EXOC4: variants seen among roughly 807,000 people sequenced by gnomAD.
The protein encoded by EXOC4 is exocyst complex component 4, also known as SEC8-like 1.
A neutral mutation model predicts 107.2 loss-of-function variants in EXOC4; 71 were observed. The observed-to-expected ratio is 0.66, with a 90% CI of 0.55 to 0.81. The LOEUF (loss-of-function observed/expected upper bound fraction) is 0.81. Among genes scored for constraint, EXOC4 ranks in the 30% least tolerant of loss-of-function variants. EXOC4 has a pLI of 0.00. For missense variants in EXOC4, 1,108 were observed against 1,189.6 expected, an observed-to-expected ratio of 0.93 and a Z score of 1.01; for synonymous variants, 456 against 441.2, an observed-to-expected ratio of 1.03 and a Z score of -0.42.
chr7:133,898,736 A>C (rs1799379509), intron 12 of EXOC4, among the ~76,000 whole-genome samples: 1 of 125,008 alleles, frequency 8.0e-6, no homozygotes, highest in Non-Finnish European at 1.6e-5. Flanking sequence ...ACAGAGCAAG[A>C]CTCTGTCTCA....
intron 11 of EXOC4, among the ~76,000 whole-genome samples, chr7:133,820,154 ATTTTT>A (rs35640945): frequency 7.1e-5 from 5 of 70,302 alleles, no homozygotes; most frequent in African/African-American, 2.7e-4. Context: ...CACCTGCTTC[ATTTTT>A]TTTTTTTTTT....
At chr7:133,300,161 G>C (rs1242405966) in intron 3 of EXOC4, among the ~76,000 whole-genome samples, 1 of 152,118 alleles carries the variant, frequency 6.6e-6, no homozygotes, top group Non-Finnish European at 1.5e-5. Context: ...TTAAGAATGG[G>C]CATTTTTGAT....
chr7:133,826,369 T>C (rs1191513022), intron 11 of EXOC4, among the ~76,000 whole-genome samples: 2 of 152,206 alleles, frequency 1.3e-5, no homozygotes, highest in African/African-American at 4.8e-5. Context: ...CTGCTACATT[T>C]CATCATGGTG....
intron 11 of EXOC4, 148 bp downstream of exon 11, chr7:133,817,692 A>G: frequency 1.6e-6 from 1 of 611,400 alleles, no homozygotes; most frequent in Non-Finnish European, 2.8e-6. Context: ...AGGGAAATTT[A>G]GATTTAATGT....
At chr7:133,831,059 G>T (rs1047821359) in intron 11 of EXOC4, among the ~76,000 whole-genome samples, 1 of 152,256 alleles carries the variant, frequency 6.6e-6, no homozygotes, top group African/African-American at 2.4e-5. Context: ...CCGCCTCCCG[G>T]GTTCAAGCAA....
chr7:133,871,236 G>T (rs1309958080), intron 11 of EXOC4, among the ~76,000 whole-genome samples: 1 of 151,564 alleles, frequency 6.6e-6, no homozygotes, highest in African/African-American at 2.4e-5. Flanking sequence ...CCAACTCTGA[G>T]TTCAGCAACA....
At chr7:133,745,119 C>A (rs1174074408) in intron 10 of EXOC4, among the ~76,000 whole-genome samples, 2 of 152,102 alleles carry the variant, frequency 1.3e-5, no homozygotes, top group East Asian at 3.8e-4. Flanking sequence ...AAGGTTCTTT[C>A]TACTGCTCTG....
At chr7:133,392,527 T>C (rs1584879998) in intron 7 of EXOC4, among the ~76,000 whole-genome samples, 1 of 152,180 alleles carries the variant, frequency 6.6e-6, no homozygotes, top group East Asian at 1.9e-4. Flanking sequence ...GGCTGCAAGC[T>C]GGCCTCTTTG....
chr7:133,967,606 A>G (rs746029957), intron 14 of EXOC4, among the ~76,000 whole-genome samples: 1 of 152,150 alleles, frequency 6.6e-6, no homozygotes, highest in Non-Finnish European at 1.5e-5. Flanking sequence ...ATTCAGGAGC[A>G]GGTTGTTTAG....
At chr7:133,756,689 A>T (rs149874481) in intron 10 of EXOC4, among the ~76,000 whole-genome samples, 1 of 152,216 alleles carries the variant, frequency 6.6e-6, no homozygotes, top group African/African-American at 2.4e-5. Flanking sequence ...ATTTATGGAA[A>T]TGACATAGAA....
chr7:134,028,091 C>G (rs1261654079), intron 17 of EXOC4, among the ~76,000 whole-genome samples: 2 of 152,208 alleles, frequency 1.3e-5, no homozygotes, highest in Non-Finnish European at 2.9e-5. Context: ...CTAGAATCCT[C>G]TGGAGGAGGA....
At chr7:133,529,633 G>A (rs767433379) in intron 9 of EXOC4, among the ~76,000 whole-genome samples, 5 of 152,114 alleles carry the variant, frequency 3.3e-5, no homozygotes, top group African/African-American at 7.2e-5. Context: ...TTCTGGCTCC[G>A]TCATCTCTCT....
chr7:133,436,836 G>A (rs1797987455), intron 7 of EXOC4, among the ~76,000 whole-genome samples: 1 of 152,074 alleles, frequency 6.6e-6, no homozygotes, highest in Non-Finnish European at 1.5e-5. Flanking sequence ...TGTTTTGCTT[G>A]TGTGGATAAT....
intron 15 of EXOC4, among the ~76,000 whole-genome samples, chr7:134,001,182 G>T (rs904640200): frequency 2.0e-5 from 3 of 152,044 alleles, no homozygotes; most frequent in Non-Finnish European, 4.4e-5. Flanking sequence ...AACTTTAGAA[G>T]AAGAAAATTA....
chr7:133,410,401 C>T lies in EXOC4; in HGVS notation c.1182+35399C>T, dbSNP rs550704097. ...ATCTGTGTGTGTGATTTTTTTTCTC[C>T]ACCTGTGGCTCTGCTGCGTGCATTC... On this transcript the variant is annotated intron_variant, in intron 7 of 17. Coordinates refer to ENST00000253861, the MANE Select transcript of EXOC4 (RefSeq NM_021807.4). Among the ~76,000 whole-genome samples, 62 of 152,092 alleles carry T rather than the reference C, an allele frequency of 4.1e-4. No individual in the cohort carries two copies. In the Middle Eastern group the frequency reaches 0.01, roughly 25 times the overall value.
At chr7:133,641,655 C>G (rs555790254) in intron 10 of EXOC4, among the ~76,000 whole-genome samples, 6 of 152,296 alleles carry the variant, frequency 3.9e-5, no homozygotes, top group Admixed American at 2.6e-4. Context: ...CTTACTCTGT[C>G]CAGTGTGCTG....
intron 1 of EXOC4, among the ~76,000 whole-genome samples, chr7:133,274,367 C>T (rs1490502523): frequency 6.6e-6 from 1 of 152,196 alleles, no homozygotes; most frequent in Non-Finnish European, 1.5e-5. Context: ...AAAAGACCAA[C>T]TGAAAGTGAC....
At chr7:133,352,427 C>T (rs73148939) in intron 5 of EXOC4, among the ~76,000 whole-genome samples, 26,205 of 151,796 alleles carry the variant, frequency 0.17, 2,648 homozygotes, top group Middle Eastern at 0.24. Flanking sequence ...TTCTTTGTCT[C>T]TTGTAATCTT....
intron 14 of EXOC4, among the ~76,000 whole-genome samples, chr7:133,949,715 G>A (rs1800644535): frequency 6.6e-6 from 1 of 152,162 alleles, no homozygotes; most frequent in Admixed American, 6.5e-5. Flanking sequence ...ATTTTATCAT[G>A]CCGGACAGTC....
Sources: gnomAD v4.1 joint callset for allele counts (sites outside exome capture counted in the v4.1 genomes callset) on GRCh38, gnomAD v4.1.1 for gene constraint, MANE v1.5 for transcripts, NCBI Gene and HGNC (gene_info 2026-07-23, HGNC 2026-07-21) for gene names.